The following EDIL3 variants were observed in gnomAD, a reference collection of about 807,000 sequenced individuals.
EDIL3 encodes EGF like and discoidin domains 3.
EDIL3 carries 37 observed loss-of-function variants against 67.4 expected under a neutral mutation model. The observed-to-expected ratio is 0.55, with a 90% CI of 0.42 to 0.72. The LOEUF (loss-of-function observed/expected upper bound fraction) is 0.72. EDIL3 is among the 30% of genes least tolerant of loss of function. The pLI is 0.00. For missense variants in EDIL3, 527 were observed against 586.3 expected (o/e 0.90, Z 1.04); for synonymous variants, 195 against 196.3 (o/e 0.99, Z 0.05).
intron 9 of EDIL3, among the ~76,000 whole-genome samples, chr5:83,985,551 C>T (rs1390641463): frequency 1.3e-5 from 2 of 151,964 alleles, no homozygotes; most frequent in African/African-American, 4.8e-5. Context: ...TAGGGCCAAA[C>T]ACCCTCTGTT....
At chr5:84,372,652 T>C (rs1403236792) in intron 1 of EDIL3, among the ~76,000 whole-genome samples, 2 of 152,328 alleles carry the variant, frequency 1.3e-5, no homozygotes, top group East Asian at 3.9e-4. Flanking sequence ...GTAAGTGTGC[T>C]ACAGTGAAAA....
At chr5:84,299,745 T>C (rs909473916) in intron 1 of EDIL3, among the ~76,000 whole-genome samples, 1 of 152,228 alleles carries the variant, frequency 6.6e-6, no homozygotes, top group African/African-American at 2.4e-5. Flanking sequence ...GACCTTTGTA[T>C]GTATGTACAT....
intron 2 of EDIL3, among the ~76,000 whole-genome samples, chr5:84,234,920 ATATTTATGCTTGAT>A (rs1744649713): frequency 6.6e-6 from 1 of 152,218 alleles, no homozygotes; most frequent in South Asian, 2.1e-4. Flanking sequence ...AGCAATCATG[ATATTTATGCTTGAT>A]TATTTATGCC....
chr5:84,222,233 T>C (rs1248731107), intron 3 of EDIL3, among the ~76,000 whole-genome samples: 1 of 152,018 alleles, frequency 6.6e-6, no homozygotes. Context: ...ATATTTGTTT[T>C]ATGAATGACT....
At chr5:84,212,275 AG>A (rs1202458444) in intron 3 of EDIL3, among the ~76,000 whole-genome samples, 1 of 152,182 alleles carries the variant, frequency 6.6e-6, no homozygotes, top group Admixed American at 6.5e-5. Context: ...TCTAAGAAAC[AG>A]GAGAAAAGAC....
intron 9 of EDIL3, among the ~76,000 whole-genome samples, chr5:84,007,495 C>G (rs1745439411): frequency 6.6e-6 from 1 of 152,026 alleles, no homozygotes; most frequent in South Asian, 2.1e-4. Flanking sequence ...AGAAGACATA[C>G]AAATGGCAAA....
At chr5:84,372,680 C>G (rs1747878964) in intron 1 of EDIL3, among the ~76,000 whole-genome samples, 1 of 152,122 alleles carries the variant, frequency 6.6e-6, no homozygotes, top group African/African-American at 2.4e-5. Context: ...CGATTTGGAT[C>G]TATAAGACCT....
At chr5:84,349,331 C>T (rs1747306868) in intron 1 of EDIL3, among the ~76,000 whole-genome samples, 1 of 152,056 alleles carries the variant, frequency 6.6e-6, no homozygotes. Context: ...GCTTGTTTCT[C>T]CTTCCAAGAG....
rs143297350 is a variant in EDIL3 at position 83,959,526 on chromosome 5, T to C, written c.1293+3679A>G. ...TATTTCTGTTTGAAAAGTGCATCTATAAAACATCTCACAGACACATGTTTT... is the reference window on the plus strand; with the variant it reads ...TATTTCTGTTTGAAAAGTGCATCTACAAAACATCTCACAGACACATGTTTT... On this transcript the variant is annotated intron_variant, in intron 10 of 10. Coordinates refer to ENST00000296591, the MANE Select transcript of EDIL3 (RefSeq NM_005711.5). 4.3e-3 allele frequency among the ~76,000 whole-genome samples: 644 copies of C among 151,188 alleles called. 6 individuals carry two copies. The highest frequency in any genetic ancestry group is 0.015 in the African/African-American group (620 of 41,480).
intron 1 of EDIL3, among the ~76,000 whole-genome samples, chr5:84,326,271 T>C (rs560985786): frequency 3.9e-5 from 6 of 152,116 alleles, no homozygotes; most frequent in African/African-American, 1.4e-4. Context: ...ATAAATTACC[T>C]ACACTGTGGT....
chr5:84,134,405 A>G (rs1431094406), intron 5 of EDIL3, among the ~76,000 whole-genome samples: 1 of 152,156 alleles, frequency 6.6e-6, no homozygotes, highest in Non-Finnish European at 1.5e-5. Context: ...TGCATGATAC[A>G]AAGTCCAGAA....
intron 5 of EDIL3, among the ~76,000 whole-genome samples, chr5:84,109,179 T>G (rs912319493): frequency 2.0e-5 from 3 of 152,186 alleles, no homozygotes; most frequent in Non-Finnish European, 2.9e-5. Flanking sequence ...ATCTTTGCTA[T>G]GCTCTTTAGT....
chr5:84,360,784 T>G (rs1052690268), intron 1 of EDIL3, among the ~76,000 whole-genome samples: 1 of 152,132 alleles, frequency 6.6e-6, no homozygotes, highest in Non-Finnish European at 1.5e-5. Flanking sequence ...ATATCCAAAC[T>G]GAGGAGACAG....
chr5:84,204,276 C>T (rs1743911782), intron 3 of EDIL3, among the ~76,000 whole-genome samples: 2 of 152,156 alleles, frequency 1.3e-5, no homozygotes, highest in African/African-American at 4.8e-5. Flanking sequence ...ATAATGTCCA[C>T]TGCATACCCT....
intron 4 of EDIL3, among the ~76,000 whole-genome samples, chr5:84,166,225 G>A (rs568769784): frequency 6.6e-6 from 1 of 152,278 alleles, no homozygotes; most frequent in East Asian, 1.9e-4. Context: ...GAGGAGATGA[G>A]GTACCGTGTT....
At chr5:84,264,325 C>G (rs901934729) in intron 1 of EDIL3, among the ~76,000 whole-genome samples, 26 of 152,148 alleles carry the variant, frequency 1.7e-4, no homozygotes, top group African/African-American at 6.0e-4. Flanking sequence ...GTGATAGGAC[C>G]AGAAGTTTGA....
chr5:84,258,582 A>G (rs1745164622), intron 1 of EDIL3, among the ~76,000 whole-genome samples: 1 of 152,226 alleles, frequency 6.6e-6, no homozygotes, highest in Admixed American at 6.5e-5. Context: ...GTAGCTGGAC[A>G]GCACATTCTT....
intron 1 of EDIL3, among the ~76,000 whole-genome samples, chr5:84,345,748 A>G (rs979922160): frequency 1.3e-4 from 20 of 152,180 alleles, no homozygotes; most frequent in African/African-American, 4.8e-4. Flanking sequence ...AGGTCTAGAA[A>G]ATTAACCAAG....
intron 3 of EDIL3, among the ~76,000 whole-genome samples, chr5:84,196,469 C>T (rs576333199): frequency 3.3e-5 from 5 of 152,100 alleles, no homozygotes; most frequent in South Asian, 4.1e-4. Flanking sequence ...ATGGCTTTAA[C>T]GCCTTCTAAC....
Sources: gnomAD v4.1 joint callset for allele counts (sites outside exome capture counted in the v4.1 genomes callset) on GRCh38, gnomAD v4.1.1 for gene constraint, MANE v1.5 for transcripts, NCBI Gene and HGNC (gene_info 2026-07-23, HGNC 2026-07-21) for gene names.